Variants in RPS6KA2 observed in about 807,000 individuals in gnomAD.
The protein encoded by RPS6KA2 is ribosomal protein S6 kinase A2.
In RPS6KA2, 42 loss-of-function variants were observed where a neutral mutation model predicts 91.8. The observed-to-expected ratio is 0.46, with a 90% CI of 0.36 to 0.59. The LOEUF (loss-of-function observed/expected upper bound fraction) is 0.59. RPS6KA2 is among the 20% of genes least tolerant of loss of function. RPS6KA2 has a pLI of 0.00. For synonymous variants in RPS6KA2, 414 were observed against 393.6 expected, an observed-to-expected ratio of 1.05 and a Z score of -0.61; for missense variants, 798 against 978.5, an observed-to-expected ratio of 0.82 and a Z score of 2.46.
In RPS6KA2 at chr6:166,852,462, G is replaced by C. The variant is rs2128632708; in HGVS notation, c.123+5738C>G. On this transcript the variant is annotated intron_variant, in intron 2 of 21. Coordinates refer to the RPS6KA2 transcript ENST00000503859. This position sits in a 1 kb window ranked among gnomAD's most constrained non-coding sequence, Gnocchi z 4.1. ...TTTTTATGAGGAACAATGGAATTCTGTCTGGATTGCAGAGACATGAGAGGC... is the reference window on the plus strand; with the variant it reads ...TTTTTATGAGGAACAATGGAATTCTCTCTGGATTGCAGAGACATGAGAGGC... Among the ~76,000 whole-genome samples, 1 of 152,306 alleles carries C rather than the reference G, an allele frequency of 6.6e-6. No homozygotes were observed. Among genetic ancestry groups the C allele is most frequent in the African/African-American group, 2.4e-5 (1 of 41,566 alleles).
Position 166,612,191 on chromosome 6 carries a change from G to A in RPS6KA2, c.99+14730C>T, listed in dbSNP as rs550374906. ...GGGCCAGGGAACTCACTGACCATCT[G>A]GGGGGGCTCTAGGAAAAGCCTGGAA... On this transcript the variant is annotated intron_variant, in intron 1 of 20. Coordinates refer to ENST00000265678, the MANE Select transcript of RPS6KA2 (RefSeq NM_021135.6). The surrounding 1 kb of genome is among the most constrained non-coding windows in gnomAD (Gnocchi z 4.3). Among the ~76,000 whole-genome samples, 22 of 152,068 alleles carry A rather than the reference G, an allele frequency of 1.4e-4. No homozygotes were observed. Among genetic ancestry groups the A allele is most frequent in the Admixed American group, 1.2e-3 (18 of 15,276 alleles).
intron 2 of RPS6KA2, among the ~76,000 whole-genome samples, chr6:166,806,861 A>G (rs150828826): frequency 3.3e-5 from 5 of 152,356 alleles, no homozygotes; most frequent in Non-Finnish European, 7.3e-5. Context: ...TGTGAGTTCA[A>G]CAACTGAAAG....
At chr6:166,444,529 G>C (rs903426908) in intron 14 of RPS6KA2, among the ~76,000 whole-genome samples, 2 of 152,246 alleles carry the variant, frequency 1.3e-5, no homozygotes, top group Non-Finnish European at 2.9e-5. Flanking sequence ...AAGAGGAAGC[G>C]CTGAGGGAAC....
At chr6:166,729,669 AAG>A (rs1790452896) in intron 2 of RPS6KA2, among the ~76,000 whole-genome samples, 1 of 152,192 alleles carries the variant, frequency 6.6e-6, no homozygotes, top group Admixed American at 6.5e-5. Flanking sequence ...AGGTCTAAGA[AAG>A]CAATGTTTTC....
intron 2 of RPS6KA2, among the ~76,000 whole-genome samples, chr6:166,758,666 G>A (rs780790374): frequency 3.9e-5 from 6 of 152,176 alleles, no homozygotes; most frequent in African/African-American, 7.2e-5. Context: ...AATCGCCTTC[G>A]AGGTGACAGA....
rs956393850 is a variant in RPS6KA2, at chr6:166,500,279, C to A, written c.604+608G>T. On this transcript the variant is annotated intron_variant, in intron 7 of 20. Transcript: ENST00000265678. This position sits in a 1 kb window ranked among gnomAD's most constrained non-coding sequence, Gnocchi z 4.3. ...TGGTTTAAAGCCCCGATGTTCCTGG[C>A]ATTTTGTTGCAGATGCTATAGGGAA... Among the ~76,000 whole-genome samples the A allele has an allele frequency of 6.6e-6, 1 of 152,228 alleles. No individual in the cohort carries two copies. The highest frequency in any genetic ancestry group is 1.5e-5 in the Non-Finnish European group (1 of 68,048).
rs147436194 is a variant in RPS6KA2, at chr6:166,677,283, G to C, written c.124-138499C>G. Among the ~76,000 whole-genome samples the C allele has an allele frequency of 4.6e-3, 694 of 151,858 alleles. 7 individuals are homozygous for C. Among genetic ancestry groups the C allele is most frequent in the African/African-American group, 0.016 (649 of 41,430 alleles). On this transcript the variant is annotated intron_variant, in intron 2 of 21. Transcript: ENST00000503859. ...GAACCGCCTGATTCTGAGAAATAGA[G>C]ATATAAAATAGTAGAAGATACTATA...
Position 166,451,130 on chromosome 6 carries a change from G to A in RPS6KA2, c.1179C>T (p.His393=). ...GCACGATTGGGTGAACTGGGACTTT[G>A]TGCAGATCTTGCTGTGAGGGCTCCT... is the stretch of plus-strand genomic sequence containing the variant. ...LIQEPSQQDL[H]KVPVHPIVQQ... is the part of the protein sequence containing the mutation. Residue 393 remains histidine (H), a synonymous_variant, in exon 13 of 21, where the codon CAC becomes CAT. Coordinates refer to ENST00000265678, the MANE Select transcript of RPS6KA2 (RefSeq NM_021135.6). The A allele has an allele frequency of 2.5e-6, 4 of 1,614,130 alleles. No individual in the cohort carries two copies. The highest frequency in any genetic ancestry group is 3.4e-6 in the Non-Finnish European group (4 of 1,180,002).
chr6:166,536,210 G>A (rs945210542), intron 2 of RPS6KA2, among the ~76,000 whole-genome samples: 4 of 152,232 alleles, frequency 2.6e-5, no homozygotes, highest in African/African-American at 7.2e-5. Flanking sequence ...GGCCTGTCCC[G>A]GGACACTGCG....
intron 2 of RPS6KA2, among the ~76,000 whole-genome samples, chr6:166,751,359 G>A (rs114378881): frequency 0.011 from 1,714 of 152,342 alleles, 26 homozygotes; most frequent in African/African-American, 0.039. Context: ...CCCGTCAAAC[G>A]CACAGTCACA....
rs993432233 is a variant in RPS6KA2, at chr6:166,732,259, C to T, written c.123+125941G>A. On this transcript the variant is annotated intron_variant, in intron 2 of 21. Transcript: ENST00000503859. The surrounding 1 kb of genome is among the most constrained non-coding windows in gnomAD (Gnocchi z 4.0). ...CGCACTTCTGTATAGCTTCATGATT[C>T]CCCCAAAATAGACTGATAAAAATAC... is the stretch of plus-strand genomic sequence containing the variant. Among the ~76,000 whole-genome samples the T allele has an allele frequency of 1.3e-5, 2 of 152,156 alleles. No homozygotes were observed. The highest frequency in any genetic ancestry group is 2.9e-5 in the Non-Finnish European group (2 of 68,030).
At chr6:166,454,547 T>C (rs1008028982) in intron 12 of RPS6KA2, among the ~76,000 whole-genome samples, 2 of 151,960 alleles carry the variant, frequency 1.3e-5, no homozygotes, top group African/African-American at 4.8e-5. Flanking sequence ...CCAAAGTACT[T>C]AGACATAAAT....
At chr6:166,720,261 G>A (rs746056820) in intron 2 of RPS6KA2, among the ~76,000 whole-genome samples, 4 of 152,110 alleles carry the variant, frequency 2.6e-5, no homozygotes, top group Non-Finnish European at 5.9e-5. Context: ...CTCCTCTTAT[G>A]TGCTTGGAAT....
At chr6:166,822,234 C>T (rs75444275) in intron 2 of RPS6KA2, among the ~76,000 whole-genome samples, 5,037 of 152,294 alleles carry the variant, frequency 0.033, 290 homozygotes, top group African/African-American at 0.11. Context: ...ATTGAAGTCC[C>T]GACTCCCAGC....
intron 2 of RPS6KA2, among the ~76,000 whole-genome samples, chr6:166,711,953 T>C (rs1789873306): frequency 6.6e-6 from 1 of 152,116 alleles, no homozygotes; most frequent in African/African-American, 2.4e-5. Flanking sequence ...CAAGTTCATA[T>C]ATTACCAGTA....
chr6:166,480,977 C>T (rs1480856441), intron 10 of RPS6KA2, among the ~76,000 whole-genome samples: 1 of 152,086 alleles, frequency 6.6e-6, no homozygotes, highest in Non-Finnish European at 1.5e-5. Context: ...TTTTTCTAAA[C>T]CTTGATGCTT....
chr6:166,446,454 C>T (rs1779682148), intron 14 of RPS6KA2, among the ~76,000 whole-genome samples: 1 of 152,198 alleles, frequency 6.6e-6, no homozygotes, highest in African/African-American at 2.4e-5. Context: ...CAGGGAACTT[C>T]AGGGTTTGTG....
chr6:166,734,154 G>A (rs764595860), intron 2 of RPS6KA2, among the ~76,000 whole-genome samples: 3 of 152,212 alleles, frequency 2.0e-5, no homozygotes, highest in Non-Finnish European at 4.4e-5. Flanking sequence ...TGGCCCCTGA[G>A]GGGCAAGGGG....
chr6:166,624,170 T>C (rs874153), intron 1 of RPS6KA2, among the ~76,000 whole-genome samples: 22,688 of 152,274 alleles, frequency 0.15, 1,737 homozygotes, highest in East Asian at 0.19. Flanking sequence ...AATGAAGATA[T>C]TGTTTTCAAC....
Sources: allele counts gnomAD v4.1 joint callset (sites outside exome capture counted in the v4.1 genomes callset), GRCh38; gene constraint gnomAD v4.1.1; non-coding constraint Gnocchi (gnomAD v3.1); transcripts MANE v1.5; gene names NCBI Gene and HGNC (gene_info 2026-07-23, HGNC 2026-07-21).